Variants in MAD1L1 observed in about 807,000 individuals in gnomAD.
MAD1L1 encodes mitotic arrest deficient 1 like 1, also known as mitotic spindle assembly checkpoint protein MAD1.
In MAD1L1, 95 loss-of-function variants were observed where a neutral mutation model predicts 96.9. The ratio of observed to expected loss-of-function variants is 0.98; its 90% CI spans 0.83 to 1.16. MAD1L1 has a LOEUF of 1.16. Among genes scored for constraint, MAD1L1 ranks in the 50% most tolerant of loss-of-function variants. The pLI, the probability that MAD1L1 is intolerant of heterozygous loss-of-function variation, is 0.00. For missense variants in MAD1L1, 1,007 were observed against 954.4 expected (o/e 1.06, Z -0.73); for synonymous variants, 473 against 396.6 (o/e 1.19, Z -2.29).
intron 10 of MAD1L1, among the ~76,000 whole-genome samples, chr7:2,168,301 A>T (rs1326843880): frequency 6.6e-6 from 1 of 152,134 alleles, no homozygotes. Flanking sequence ...AAAAAAAAGA[A>T]CAGTGAATTG....
chr7:2,145,445 G>A (rs999162334), intron 11 of MAD1L1, among the ~76,000 whole-genome samples: 2 of 152,326 alleles, frequency 1.3e-5, no homozygotes, highest in South Asian at 2.1e-4. Flanking sequence ...TCCTAAGAGC[G>A]CAGAAACATT....
chr7:1,848,104 G>A, intron 18 of MAD1L1: 1 of 271,120 alleles, frequency 3.7e-6, no homozygotes, highest in East Asian at 9.7e-5. Context: ...AGCTCCTGGG[G>A]GCACACAGAC....
chr7:1,847,098 T>C, intron 18 of MAD1L1: 1 of 360,514 alleles, frequency 2.8e-6, no homozygotes, highest in Non-Finnish European at 5.5e-6. Context: ...ATCCATCAGG[T>C]ATCTTTCTGT....
intron 12 of MAD1L1, among the ~76,000 whole-genome samples, chr7:2,031,056 C>T (rs1052900901): frequency 2.0e-5 from 3 of 152,208 alleles, no homozygotes; most frequent in African/African-American, 4.8e-5. Flanking sequence ...AAAAAACGGT[C>T]CCCAGCCTTC....
chr7:2,183,668 C>T (rs972930989), intron 10 of MAD1L1, among the ~76,000 whole-genome samples: 2 of 151,940 alleles, frequency 1.3e-5, no homozygotes, highest in African/African-American at 4.8e-5. Flanking sequence ...AACCAAACAC[C>T]GCATGTTCTC....
intron 17 of MAD1L1, among the ~76,000 whole-genome samples, chr7:1,935,846 G>A (rs564673005): frequency 1.3e-5 from 2 of 152,364 alleles, no homozygotes; most frequent in Non-Finnish European, 2.9e-5. Flanking sequence ...ACCCCCAAGG[G>A]AGGGGGCTGG....
intron 12 of MAD1L1, among the ~76,000 whole-genome samples, chr7:2,042,853 T>C (rs1188811395): frequency 2.0e-5 from 3 of 151,774 alleles, no homozygotes; most frequent in African/African-American, 7.3e-5. Flanking sequence ...AACGGACTAA[T>C]ACACCTGAGG....
At chr7:2,208,638 A>G (rs1183428043) in intron 10 of MAD1L1, among the ~76,000 whole-genome samples, 1 of 152,160 alleles carries the variant, frequency 6.6e-6, no homozygotes, top group African/African-American at 2.4e-5. Flanking sequence ...CTGTTCGCCT[A>G]CAGAGATGGC....
intron 10 of MAD1L1, among the ~76,000 whole-genome samples, chr7:2,169,980 G>C (rs1380029987): frequency 2.6e-5 from 4 of 152,224 alleles, no homozygotes; most frequent in Non-Finnish European, 5.9e-5. Flanking sequence ...AAGGCTTCCT[G>C]AGACGAGACA....
intron 10 of MAD1L1, among the ~76,000 whole-genome samples, chr7:2,158,008 G>A (rs1334076337): frequency 6.6e-6 from 1 of 152,236 alleles, no homozygotes; most frequent in Non-Finnish European, 1.5e-5. Flanking sequence ...GGCCTCAGGA[G>A]CCTCAGCTCG....
At position 2,060,470 on chromosome 7, in the gene MAD1L1, G is replaced by C. The variant is rs369085956; in HGVS notation, c.1218+8724C>G. Among the ~76,000 whole-genome samples, 3 of 152,142 alleles carry C rather than the reference G, an allele frequency of 2.0e-5. No individual in the cohort carries two copies. The East Asian group carries it at 5.8e-4, about 29-fold the overall frequency. On this transcript the variant is annotated intron_variant, in intron 12 of 18. Transcript: ENST00000265854. ...CCGATGCCGAGATAACGCTGATGTCGAGATATGCCAATATCGAGATAATGC... is the reference window on the plus strand; with the variant it reads ...CCGATGCCGAGATAACGCTGATGTCCAGATATGCCAATATCGAGATAATGC...
At chr7:1,816,801 C>G (rs1253033426) in intron 18 of MAD1L1, among the ~76,000 whole-genome samples, 2 of 151,984 alleles carry the variant, frequency 1.3e-5, no homozygotes, top group Non-Finnish European at 2.9e-5. Context: ...AGTCACACAG[C>G]AGGTCTGAGC....
chr7:2,025,379 G>A (rs763634586), intron 12 of MAD1L1, among the ~76,000 whole-genome samples: 7 of 152,212 alleles, frequency 4.6e-5, no homozygotes, highest in Non-Finnish European at 1.0e-4. Flanking sequence ...AAAGACAGTG[G>A]AATGATAGGT....
At chr7:1,928,130 C>T (rs1338494309) in intron 17 of MAD1L1, among the ~76,000 whole-genome samples, 1 of 151,892 alleles carries the variant, frequency 6.6e-6, no homozygotes, top group African/African-American at 2.4e-5. Flanking sequence ...CTCCCCACGA[C>T]CCGCCGGTCC....
chr7:2,077,691 G>A (rs1051775424), intron 11 of MAD1L1, among the ~76,000 whole-genome samples: 35 of 152,236 alleles, frequency 2.3e-4, no homozygotes, highest in Admixed American at 2.3e-3. Context: ...GGAGGCGCGC[G>A]GGAGCAGGAG....
chr7:2,202,579 G>T (rs1792370822), intron 10 of MAD1L1, among the ~76,000 whole-genome samples: 1 of 152,200 alleles, frequency 6.6e-6, no homozygotes, highest in South Asian at 2.1e-4. Flanking sequence ...CAGAAGAAGG[G>T]CCATGCTCAC....
chr7:1,953,333 C>G (rs952276077), intron 16 of MAD1L1, among the ~76,000 whole-genome samples: 1 of 152,210 alleles, frequency 6.6e-6, no homozygotes, highest in Non-Finnish European at 1.5e-5. Context: ...TGTCTGGTCT[C>G]TTTCCTGAAC....
intron 12 of MAD1L1, among the ~76,000 whole-genome samples, chr7:2,053,225 C>A (rs1784258547): frequency 1.3e-5 from 2 of 152,294 alleles, no homozygotes; most frequent in East Asian, 1.9e-4. Context: ...GGTAGCAGGC[C>A]CTTCCTGAAA....
At chr7:1,868,800 T>A (rs1784903225) in intron 18 of MAD1L1, among the ~76,000 whole-genome samples, 1 of 152,164 alleles carries the variant, frequency 6.6e-6, no homozygotes, top group South Asian at 2.1e-4. Flanking sequence ...AAGACCAGCA[T>A]GTCAGCTAAG....
Sources: gnomAD v4.1 joint callset for allele counts (sites outside exome capture counted in the v4.1 genomes callset) on GRCh38, gnomAD v4.1.1 for gene constraint, MANE v1.5 for transcripts, NCBI Gene and HGNC (gene_info 2026-07-23, HGNC 2026-07-21) for gene names.